Variants in CEP128 observed in about 807,000 individuals in gnomAD.
CEP128 encodes the protein centrosomal protein 128kDa.
CEP128 carries 132 observed loss-of-function variants against 156.7 expected under a neutral mutation model. The observed-to-expected ratio is 0.84, with a 90% CI of 0.73 to 0.97. The LOEUF (loss-of-function observed/expected upper bound fraction) is 0.97. CEP128 is among the 50% of genes least tolerant of loss of function. CEP128 has a pLI of 0.00. For missense variants in CEP128, 1,252 were observed against 1,281.9 expected, an observed-to-expected ratio of 0.98 and a Z score of 0.36; for synonymous variants, 469 against 448.9, an observed-to-expected ratio of 1.04 and a Z score of -0.57.
Position 80,757,054 on chromosome 14 carries a change from T to G in CEP128, c.2554-103A>C, listed in dbSNP as rs1394700253. The G allele has an allele frequency of 5.5e-6, 4 of 732,506 alleles. No homozygotes were observed. The East Asian group carries it at 1.1e-4, about 21-fold the overall frequency. The allele number at this position is 732,506 out of a possible 1,614,324, so 45.4% of individuals were successfully genotyped here. Reference sequence around the variant, plus strand: ...GTATCCAAAAGTTTAGTTCCCCAATTTAAGGATTTAAAAAGAAAAATTGTT... The same window carrying G: ...GTATCCAAAAGTTTAGTTCCCCAATGTAAGGATTTAAAAAGAAAAATTGTT... On this transcript the variant is annotated intron_variant, in intron 17 of 24. Coordinates refer to ENST00000555265, the MANE Select transcript of CEP128 (RefSeq NM_152446.5).
chr14:80,796,762 G>T (rs1350195066), intron 13 of CEP128, among the ~76,000 whole-genome samples: 1 of 152,134 alleles, frequency 6.6e-6, no homozygotes, highest in East Asian at 1.9e-4. Context: ...CCTACATTCA[G>T]AAGCCATACT....
At chr14:80,549,445 A>G (rs1419895453) in intron 21 of CEP128, among the ~76,000 whole-genome samples, 4 of 152,218 alleles carry the variant, frequency 2.6e-5, no homozygotes, top group Non-Finnish European at 4.4e-5. Flanking sequence ...TGTAAAGCCA[A>G]TTGGACTGAA....
At chr14:80,527,335 TG>T in intron 22 of CEP128, 1 of 353,860 alleles carries the variant, frequency 2.8e-6, no homozygotes, top group Non-Finnish European at 5.7e-6. Context: ...GAGGCTGAGG[TG>T]GGAGAATGAG....
chr14:80,911,893 T>C (rs1042854236), intron 4 of CEP128, among the ~76,000 whole-genome samples: 2 of 152,134 alleles, frequency 1.3e-5, no homozygotes, highest in African/African-American at 2.4e-5. Context: ...CAGATGGAAA[T>C]ACCTGTTGAA....
rs570375207 is a variant in CEP128 at position 80,736,384 on chromosome 14, A to G, written c.2806+6691T>C. 5.3e-5 allele frequency among the ~76,000 whole-genome samples: 8 copies of G among 152,338 alleles called. No homozygotes were observed. In the South Asian group the frequency reaches 1.7e-3, roughly 32 times the overall value. On this transcript the variant is annotated intron_variant, in intron 19 of 24. Transcript: ENST00000555265. ...CTTACTCATCTCCCTAAGTGTGCTC[A>G]TGATTCAAGTTTAAGGAAGAACAGC... is the stretch of plus-strand genomic sequence containing the variant.
At chr14:80,860,105 A>AT (rs1887441653) in intron 9 of CEP128, among the ~76,000 whole-genome samples, 1 of 152,190 alleles carries the variant, frequency 6.6e-6, no homozygotes, top group Non-Finnish European at 1.5e-5. Flanking sequence ...AGGAATTTCC[A>AT]TAAGTATTTT....
At chr14:80,871,500 A>G (rs1189853033) in intron 8 of CEP128, among the ~76,000 whole-genome samples, 1 of 152,142 alleles carries the variant, frequency 6.6e-6, no homozygotes, top group South Asian at 2.1e-4. Context: ...ATGGAATATG[A>G]TGCCATTTCC....
intron 19 of CEP128, among the ~76,000 whole-genome samples, chr14:80,672,001 T>C (rs927259721): frequency 5.3e-5 from 8 of 152,094 alleles, no homozygotes; most frequent in Admixed American, 4.6e-4. Context: ...TCCAATTCGG[T>C]AAAAGCAAAA....
chr14:80,861,615 A>G (rs1887515449), intron 9 of CEP128, among the ~76,000 whole-genome samples: 1 of 152,112 alleles, frequency 6.6e-6, no homozygotes, highest in South Asian at 2.1e-4. Flanking sequence ...AGAAGTCATC[A>G]CTCATGATGA....
At chr14:80,797,998 C>G (rs1883593191) in intron 13 of CEP128, among the ~76,000 whole-genome samples, 1 of 152,146 alleles carries the variant, frequency 6.6e-6, no homozygotes, top group Admixed American at 6.5e-5. Context: ...ATCTCAGCCA[C>G]TAAAGCAGAA....
intron 19 of CEP128, among the ~76,000 whole-genome samples, chr14:80,588,167 T>G (rs1247354276): frequency 6.6e-6 from 1 of 152,136 alleles, no homozygotes; most frequent in South Asian, 2.1e-4. Context: ...TTAGTGAATT[T>G]TTTTTCTAGT....
rs8010284 is a variant in CEP128, at chr14:80,650,569, C to T, written c.2807-70146G>A. Among the ~76,000 whole-genome samples, 760 of 152,122 alleles carry T rather than the reference C, an allele frequency of 5.0e-3. 14 individuals are homozygous for T. The highest frequency in any genetic ancestry group is 0.017 in the African/African-American group (715 of 41,500). ...GGCTGCGGGTGTGTCATAAATAGCT[C>T]TTATTATTTTGAGACATGTTCCATC... On this transcript the variant is annotated intron_variant, in intron 19 of 24. Transcript: ENST00000555265.
At chr14:80,936,338 C>T (rs920884151) in intron 2 of CEP128, among the ~76,000 whole-genome samples, 2 of 152,062 alleles carry the variant, frequency 1.3e-5, no homozygotes, top group African/African-American at 4.8e-5. Flanking sequence ...TCCAAGATGA[C>T]ACCACTGCAC....
Position 80,949,233 on chromosome 14 carries a change from G to C in CEP128, c.-172+8945C>G, listed in dbSNP as rs553734989. Among the ~76,000 whole-genome samples, 4 of 152,286 alleles carry C rather than the reference G, an allele frequency of 2.6e-5. No individual in the cohort carries two copies. In the South Asian group the frequency reaches 8.3e-4, roughly 32 times the overall value. On this transcript the variant is annotated intron_variant, in intron 2 of 7. Transcript: ENST00000555529. ...ATTGCCACAACTTACTGCCTTGAGA[G>C]AGTTTCCAAGTCATGGTGCAAGGAG...
chr14:80,481,262 G>A (rs1887047637), intron 14 of CEP128, among the ~76,000 whole-genome samples: 1 of 152,172 alleles, frequency 6.6e-6, no homozygotes, highest in African/African-American at 2.4e-5. Context: ...TTCTTACATG[G>A]CAGCAGCAAG....
intron 9 of CEP128, among the ~76,000 whole-genome samples, chr14:80,844,544 A>G (rs1886505114): frequency 6.6e-6 from 1 of 152,124 alleles, no homozygotes; most frequent in Non-Finnish European, 1.5e-5. Flanking sequence ...TGGAAATGGT[A>G]AGCACATAAG....
At chr14:80,709,458 T>C (rs760502093) in intron 19 of CEP128, among the ~76,000 whole-genome samples, 3 of 152,180 alleles carry the variant, frequency 2.0e-5, no homozygotes, top group Non-Finnish European at 4.4e-5. Flanking sequence ...TATGTTTTAA[T>C]ATCTGGTAGC....
intron 19 of CEP128, among the ~76,000 whole-genome samples, chr14:80,645,766 C>T (rs745719532): frequency 1.3e-5 from 2 of 152,098 alleles, no homozygotes; most frequent in African/African-American, 2.4e-5. Context: ...AAAATCTGCA[C>T]ATGAATGTTT....
At chr14:80,761,792 G>C (rs1005903947) in intron 16 of CEP128, among the ~76,000 whole-genome samples, 179 bp from the exon 17 acceptor site, 11 of 152,024 alleles carry the variant, frequency 7.2e-5, no homozygotes, top group Admixed American at 2.6e-4. Context: ...TAAAATTATA[G>C]AGTTCCATCG....
Sources: allele counts gnomAD v4.1 joint callset (sites outside exome capture counted in the v4.1 genomes callset), GRCh38; gene constraint gnomAD v4.1.1; transcripts MANE v1.5; gene names NCBI Gene and HGNC (gene_info 2026-07-23, HGNC 2026-07-21).